The following MATK variants were observed in gnomAD, a reference collection of about 807,000 sequenced individuals.
MATK encodes megakaryocyte-associated tyrosine kinase, also known as megakaryocyte-associated tyrosine-protein kinase.
Under a neutral mutation model 59.8 loss-of-function variants are expected in MATK, and 41 were observed. The observed-to-expected ratio is 0.69, with a 90% CI of 0.53 to 0.89. The LOEUF is 0.89. MATK is among the 40% of genes least tolerant of loss of function. The probability of loss-of-function intolerance (pLI) is 0.00; values close to 1 mark genes in which losing one functional copy is unlikely to be tolerated. For missense variants in MATK, 593 were observed against 719.6 expected, an observed-to-expected ratio of 0.82 and a Z score of 2.01; for synonymous variants, 308 against 306.1, an observed-to-expected ratio of 1.01 and a Z score of -0.06.
At position 3,786,094 on chromosome 19, in the gene MATK, C is replaced by G; in HGVS notation, c.-152+75G>C. The G allele has an allele frequency of 6.1e-6, 4 of 651,636 alleles. No homozygotes were observed. The highest frequency in any genetic ancestry group is 7.6e-6 in the Non-Finnish European group (4 of 524,768). 40.4% of individuals were successfully genotyped at this position (651,636 alleles called of 1,614,324 possible). On this transcript the variant is annotated intron_variant, in intron 1 of 13. Coordinates refer to ENST00000310132, the MANE Select transcript of MATK (RefSeq NM_139355.3). This position sits in a 1 kb window ranked among gnomAD's most constrained non-coding sequence, Gnocchi z 4.1. ...TTCCTGCGCACGTCCCGGGCCCACC[C>G]CCGCCTAGAGCCCTCGGGGTTTCCC...
chr19:3,791,640 GCCT>G (rs1469257115), intron 1 of MATK, among the ~76,000 whole-genome samples: 1 of 148,720 alleles, frequency 6.7e-6, no homozygotes, highest in Non-Finnish European at 1.5e-5. Flanking sequence ...ACCGCACCCA[GCCT>G]CCACCTCCTC....
At position 3,783,917 on chromosome 19, in the gene MATK, A is replaced by C; in HGVS notation, c.479T>G (p.Val160Gly). The C allele has an allele frequency of 6.2e-7, 1 of 1,612,860 alleles. No homozygotes were observed. Among genetic ancestry groups the C allele is most frequent in the Non-Finnish European group, 8.5e-7 (1 of 1,179,872 alleles). ...GTGGATGACGTCGCGGCCAAAGCTC[A>C]CGCACAGGACGTAGTCGCCGGGGTG... is the stretch of plus-strand genomic sequence containing the variant. ...ARHPGDYVLC[V>G]SFGRDVIHYR... The change falls in exon 6 of 14, where the codon GTG (valine) becomes GGG (glycine). Residue 160 changes from valine to glycine, a missense_variant. Val to Gly is a moderately radical substitution (Grantham distance 109). Coordinates refer to ENST00000310132, the MANE Select transcript of MATK (RefSeq NM_139355.3).
intron 1 of MATK, among the ~76,000 whole-genome samples, chr19:3,799,692 T>A (rs2145119219): frequency 6.6e-6 from 1 of 150,872 alleles, no homozygotes; most frequent in Middle Eastern, 3.4e-3. Context: ...TACAAAAAAA[T>A]TAGCTGGGTG....
chr19:3,789,677 G>T (rs1222758675), upstream of MATK, among the ~76,000 whole-genome samples: 1 of 151,610 alleles, frequency 6.6e-6, no homozygotes, highest in African/African-American at 2.4e-5. Flanking sequence ...CACAGAAGGG[G>T]TAGCCTCAGG....
intron 1 of MATK, among the ~76,000 whole-genome samples, chr19:3,796,270 C>T (rs1411716334): frequency 6.6e-6 from 1 of 152,086 alleles, no homozygotes; most frequent in Non-Finnish European, 1.5e-5. Context: ...AATATAATGT[C>T]CCACTCCTCA....
intron 1 of MATK, among the ~76,000 whole-genome samples, chr19:3,800,628 G>A (rs1177469799): frequency 6.6e-6 from 1 of 151,776 alleles, no homozygotes; most frequent in Admixed American, 6.6e-5. Context: ...CCTGGGCAAC[G>A]GGAGCAAAAC....
intron 1 of MATK, chr19:3,793,193 G>C (rs2037559058): frequency 6.6e-6 from 1 of 152,364 alleles, no homozygotes; most frequent in Admixed American, 6.5e-5. Context: ...TCGTCCTTAA[G>C]ACGCAGCCGG....
intron 8 of MATK, among the ~76,000 whole-genome samples, chr19:3,781,031 T>G (rs1233690842): frequency 1.3e-5 from 2 of 152,180 alleles, no homozygotes; most frequent in Non-Finnish European, 2.9e-5. Flanking sequence ...GCCTGGCTGG[T>G]TTTTGCATGT....
rs377377663 is a variant in MATK, at chr19:3,783,085, G to A, written c.676+41C>T. ...GCCCTTCCTCCCGGACTGGGCTAAC[G>A]TGGGTAGGGAAGGGGGTCTGCCCTC... On this transcript the variant is annotated intron_variant, in intron 7 of 13. Coordinates refer to ENST00000310132, the MANE Select transcript of MATK (RefSeq NM_139355.3). 1.6e-4 allele frequency: 258 copies of A among 1,596,552 alleles called. 2 individuals are homozygous for A. Among genetic ancestry groups the A allele is most frequent in the Non-Finnish European group, 3.8e-5 (44 of 1,166,390 alleles).
rs2037460041 is a variant in MATK, at chr19:3,784,980, G to A, written c.72+84C>T. Reference sequence around the variant, plus strand: ...CAGGTCAGGTGGGGGCGATGGCTGGGCAGGCAGAGAGAGCCTCCCCAGAGG... The same window carrying A: ...CAGGTCAGGTGGGGGCGATGGCTGGACAGGCAGAGAGAGCCTCCCCAGAGG... On this transcript the variant is annotated intron_variant, in intron 2 of 13. Coordinates refer to ENST00000310132, the MANE Select transcript of MATK (RefSeq NM_139355.3). The A allele has an allele frequency of 2.0e-6, 3 of 1,473,738 alleles. No individual in the cohort carries two copies. In the African/African-American group the frequency reaches 4.2e-5, roughly 20 times the overall value. The allele number at this position is 1,473,738 out of a possible 1,614,324, so 91.3% of individuals were successfully genotyped here.
chr19:3,786,786 A>G (rs1048569846), upstream of MATK, among the ~76,000 whole-genome samples: 2 of 152,210 alleles, frequency 1.3e-5, no homozygotes, highest in African/African-American at 4.8e-5. This position sits in a 1 kb window ranked among gnomAD's most constrained non-coding sequence, Gnocchi z 4.1. Flanking sequence ...CGCTATCAAT[A>G]TCATTATCAT....
chr19:3,778,445 G>A lies in MATK; in HGVS notation c.1285-23C>T, dbSNP rs747973151. ...TGACTGCGGACAGCAGGCGTGGGCAGGGGTCAGGGCCACAGCCTCTGGACC... is the reference window on the plus strand; with the variant it reads ...TGACTGCGGACAGCAGGCGTGGGCAAGGGTCAGGGCCACAGCCTCTGGACC... On this transcript the variant is annotated intron_variant, in intron 13 of 13. Coordinates refer to ENST00000310132, the MANE Select transcript of MATK (RefSeq NM_139355.3). 2.0e-5 allele frequency: 33 copies of A among 1,613,532 alleles called. No individual in the cohort carries two copies. In the Middle Eastern group the frequency reaches 3.0e-3, roughly 145 times the overall value.
chr19:3,798,001 C>G (rs2037611046), intron 1 of MATK, among the ~76,000 whole-genome samples: 1 of 151,966 alleles, frequency 6.6e-6, no homozygotes. Flanking sequence ...AAGAACACAT[C>G]ACTGTACTCC....
Position 3,779,417 on chromosome 19 carries a change from C to G in MATK, c.962G>C (p.Arg321Pro). 6.2e-7 allele frequency: 1 copy of G among 1,613,276 alleles called. No homozygotes were observed. Among genetic ancestry groups the G allele is most frequent in the Non-Finnish European group, 8.5e-7 (1 of 1,180,002 alleles). ...NLVNFLRTRG[R>P]ALVNTAQLLQ... ...GAGCTGAGCGGTGTTCACGAGGGCT[C>G]GACCCCGGGTCCGCAGAAAGTTCAC... The change falls in exon 11 of 14, where the codon CGA becomes CCA. Residue 321 changes from arginine (R) to proline (P), a missense_variant. Coordinates refer to ENST00000310132, the MANE Select transcript of MATK (RefSeq NM_139355.3).
At chr19:3,796,287 G>A (rs1333684788) in intron 1 of MATK, among the ~76,000 whole-genome samples, 1 of 152,102 alleles carries the variant, frequency 6.6e-6, no homozygotes, top group Non-Finnish European at 1.5e-5. Context: ...CTCAGGGGTT[G>A]CTGTTGCTGT....
intron 7 of MATK, chr19:3,782,764 TCTGATGGGAGGGCC>T: frequency 3.5e-6 from 1 of 283,572 alleles, no homozygotes; most frequent in Non-Finnish European, 6.7e-6. Flanking sequence ...AAGGAGGCGG[TCTGATGGGAGGGCC>T]TGAGGCTGGG....
At chr19:3,795,379 T>C (rs1320679323) in intron 1 of MATK, among the ~76,000 whole-genome samples, 1 of 151,212 alleles carries the variant, frequency 6.6e-6, no homozygotes. Flanking sequence ...TTCAAGCAAT[T>C]CTCATGTCTC....
At position 3,797,217 on chromosome 19, in the gene MATK, T is replaced by A. The variant is rs1372122432; in HGVS notation, c.-58+4315A>T. ...GACTTCTTGGATTGATGTTTTCATT[T>A]TCTTGCCTACCTTCCCCCCCACCCC... On this transcript the variant is annotated intron_variant, in intron 1 of 13. Coordinates refer to the MATK transcript ENST00000395045. Among the ~76,000 whole-genome samples the A allele has an allele frequency of 3.4e-5, 5 of 148,680 alleles. No homozygotes were observed. In the Admixed American group the frequency reaches 3.4e-4, roughly 10 times the overall value.
At chr19:3,780,560 G>A (rs1034846297) in intron 8 of MATK, among the ~76,000 whole-genome samples, 3 of 149,714 alleles carry the variant, frequency 2.0e-5, no homozygotes, top group Non-Finnish European at 4.4e-5. Flanking sequence ...CCAAGTAGCT[G>A]GGACTACAGG....
Sources: gnomAD v4.1 joint callset for allele counts (sites outside exome capture counted in the v4.1 genomes callset) on GRCh38, gnomAD v4.1.1 for gene constraint, Gnocchi (gnomAD v3.1) non-coding constraint, MANE v1.5 for transcripts, NCBI Gene and HGNC (gene_info 2026-07-23, HGNC 2026-07-21) for gene names.